SSTR3: variants seen among roughly 807,000 people sequenced by gnomAD.
The protein encoded by SSTR3 is somatostatin receptor 3.
For missense variants in SSTR3, 504 were observed against 604.7 expected (o/e 0.83, Z 1.75); for synonymous variants, 281 against 269.2 (o/e 1.04, Z -0.43).
chr22:37,206,339 T>C lies in SSTR3; in HGVS notation c.*208A>G. ...GACATAGCTCATCCAGGCTGATGAC[T>C]CCTATCCCTGAGTCACAGAGGAGAA... On this transcript the variant is annotated 3_prime_UTR_variant, in exon 2 of 2. Coordinates refer to ENST00000610913, the MANE Select transcript of SSTR3 (RefSeq NM_001051.5). The C allele has an allele frequency of 2.8e-6, 2 of 720,760 alleles. No individual in the cohort carries two copies. Among genetic ancestry groups the C allele is most frequent in the Non-Finnish European group, 4.3e-6 (2 of 460,032 alleles). The allele number at this position is 720,760 out of a possible 1,614,324, so 44.6% of individuals were successfully genotyped here. A position where few individuals can be genotyped will look rare whatever the true frequency, so the allele number is the denominator to read the frequency against.
rs1444488760 is a variant in SSTR3, at chr22:37,205,082, C to T, written c.*1465G>A. On this transcript the variant is annotated 3_prime_UTR_variant, in exon 2 of 2. Coordinates refer to ENST00000610913, the MANE Select transcript of SSTR3 (RefSeq NM_001051.5). Reference sequence around the variant, plus strand: ...CCACTTCAGCCTCTTCTTGTCTTCCCTGGGCCTCCCGACCTGTAGTCTCCA... The same window carrying T: ...CCACTTCAGCCTCTTCTTGTCTTCCTTGGGCCTCCCGACCTGTAGTCTCCA... The T allele has an allele frequency of 6.6e-6, 1 of 152,512 alleles. No homozygotes were observed. Among genetic ancestry groups the T allele is most frequent in the African/African-American group, 2.4e-5 (1 of 41,460 alleles). The allele number at this position is 152,512 out of a possible 1,614,324, so 9.4% of individuals were successfully genotyped here.
upstream of SSTR3, among the ~76,000 whole-genome samples, chr22:37,212,729 G>A (rs1048570304): frequency 2.0e-5 from 3 of 152,140 alleles, no homozygotes; most frequent in African/African-American, 4.8e-5. Flanking sequence ...CAGGTCCCCC[G>A]GGGCAGCAGC....
upstream of SSTR3, among the ~76,000 whole-genome samples, chr22:37,214,291 C>T (rs182195456): frequency 3.3e-5 from 5 of 152,310 alleles, no homozygotes; most frequent in African/African-American, 1.2e-4. Context: ...CTCTGACCTC[C>T]CCTTTTCTTC....
chr22:37,209,957 TTA>T (rs1158758532), intron 1 of SSTR3, among the ~76,000 whole-genome samples: 3 of 152,248 alleles, frequency 2.0e-5, no homozygotes, highest in Non-Finnish European at 4.4e-5. Flanking sequence ...CCATAGGATT[TTA>T]GACTCAGTAT....
In SSTR3 at chr22:37,207,663, G is replaced by A. The variant is rs1167913607; in HGVS notation, c.141C>T (p.Ile47=). Residue 47 remains isoleucine (I), a synonymous_variant, in exon 2 of 2, where the codon ATC becomes ATT. Coordinates refer to ENST00000610913, the MANE Select transcript of SSTR3 (RefSeq NM_001051.5). ...PAGLAVSGVL[I]PLVYLVVCVV... ...CGCACACCACCAGGTAGACCAGGGG[G>A]ATCAGAACGCCACTGACGGCCAGCC... is the stretch of plus-strand genomic sequence containing the variant. The A allele has an allele frequency of 1.3e-6, 2 of 1,582,894 alleles. No homozygotes were observed. The highest frequency in any genetic ancestry group is 1.1e-5 in the South Asian group (1 of 87,548).
At chr22:37,215,212 A>G (rs1338696882), upstream of SSTR3, among the ~76,000 whole-genome samples, 6 of 151,918 alleles carry the variant, frequency 3.9e-5, no homozygotes, top group Non-Finnish European at 7.4e-5. Flanking sequence ...TATATATGCT[A>G]TTATTTTTTC....
chr22:37,209,197 G>A (rs1926041827), intron 1 of SSTR3, among the ~76,000 whole-genome samples: 1 of 152,230 alleles, frequency 6.6e-6, no homozygotes, highest in African/African-American at 2.4e-5. Context: ...CTATATGGAT[G>A]TCACTGTTGA....
Sources: allele counts gnomAD v4.1 joint callset (sites outside exome capture counted in the v4.1 genomes callset), GRCh38; gene constraint gnomAD v4.1.1; transcripts MANE v1.5; gene names NCBI Gene and HGNC (gene_info 2026-07-23, HGNC 2026-07-21).